Variants in AGBL4 observed in about 807,000 individuals in gnomAD.
The protein encoded by AGBL4 is cytosolic carboxypeptidase 6.
A neutral mutation model predicts 66.4 loss-of-function variants in AGBL4; 58 were observed. The ratio of observed to expected loss-of-function variants is 0.87; its 90% confidence interval spans 0.71 to 1.09. AGBL4 has a LOEUF of 1.09. Ranked by LOEUF, AGBL4 falls within the 50% of genes least tolerant of loss-of-function variation. The pLI is 0.00. For synonymous variants in AGBL4, 234 were observed against 222.9 expected (o/e 1.05, Z -0.44); for missense variants, 579 against 631.0 (o/e 0.92, Z 0.88).
chr1:48,818,050 TA>T (rs1336618816), intron 6 of AGBL4: 1 of 709,038 alleles, frequency 1.4e-6, no homozygotes, highest in African/African-American at 1.8e-5. Flanking sequence ...TCATATCTGA[TA>T]GTCAAATTTG....
intron 6 of AGBL4, among the ~76,000 whole-genome samples, chr1:48,807,236 G>A (rs555930747): frequency 5.3e-4 from 80 of 152,270 alleles, no homozygotes; most frequent in African/African-American, 1.9e-3. Flanking sequence ...GACTGTGATG[G>A]ATTCATCTCT....
intron 5 of AGBL4, among the ~76,000 whole-genome samples, chr1:48,896,797 A>G (rs1298962691): frequency 1.3e-5 from 2 of 152,138 alleles, no homozygotes; most frequent in Non-Finnish European, 2.9e-5. Context: ...ACTAGTACAA[A>G]TAAAAAGATT....
chr1:48,769,166 C>T (rs1644679592), intron 6 of AGBL4, among the ~76,000 whole-genome samples: 1 of 152,186 alleles, frequency 6.6e-6, no homozygotes, highest in South Asian at 2.1e-4. Context: ...AGGTCTCTTT[C>T]TCAGCTGTGT....
rs191752293 is a variant in AGBL4 at position 49,082,176 on chromosome 1, C to G, written c.378-36376G>C. Reference sequence around the variant, plus strand: ...CTTAGAAGTAATGCCTTATAAACTGCTGGGGTAGATGTGATGTAGGAGAGA... The same window carrying G: ...CTTAGAAGTAATGCCTTATAAACTGGTGGGGTAGATGTGATGTAGGAGAGA... On this transcript the variant is annotated intron_variant, in intron 4 of 13. Transcript: ENST00000371839. 1.8e-3 allele frequency among the ~76,000 whole-genome samples: 281 copies of G among 152,202 alleles called. 2 individuals carry two copies. Among genetic ancestry groups the G allele is most frequent in the African/African-American group, 6.4e-3 (266 of 41,548 alleles).
At chr1:49,583,021 A>C (rs1644575488) in intron 3 of AGBL4, among the ~76,000 whole-genome samples, 1 of 151,956 alleles carries the variant, frequency 6.6e-6, no homozygotes, top group Middle Eastern at 3.4e-3. Context: ...AGTTCCTAAA[A>C]CCCTTGTAAT....
rs996746931 is a variant in AGBL4 at position 49,574,854 on chromosome 1, G to A, written c.282+122459C>T. Among the ~76,000 whole-genome samples, 8 of 152,012 alleles carry A rather than the reference G, an allele frequency of 5.3e-5. No individual in the cohort carries two copies. The East Asian group carries it at 7.8e-4, about 15-fold the overall frequency. ...CCTAGAAATTGATAGGACGCCTACT[G>A]CATTCTGCTTGTCTTTATACAAGCA... On this transcript the variant is annotated intron_variant, in intron 3 of 13. Transcript: ENST00000371839.
chr1:48,969,720 C>T (rs17105333), intron 5 of AGBL4, among the ~76,000 whole-genome samples: 8,583 of 152,076 alleles, frequency 0.056, 256 homozygotes, highest in East Asian at 0.075. Context: ...TAGATTTCAT[C>T]ATTAGCCAGA....
intron 3 of AGBL4, among the ~76,000 whole-genome samples, chr1:49,686,342 A>G (rs1646787837): frequency 6.6e-6 from 1 of 152,176 alleles, no homozygotes; most frequent in Non-Finnish European, 1.5e-5. Flanking sequence ...CAGCACAGTA[A>G]GTGCTTAATC....
At chr1:48,749,675 G>A (rs1557942133) in intron 6 of AGBL4, among the ~76,000 whole-genome samples, 2 of 152,172 alleles carry the variant, frequency 1.3e-5, no homozygotes, top group African/African-American at 4.8e-5. Context: ...CAATCATGAG[G>A]GGTGCGGTGG....
intron 6 of AGBL4, among the ~76,000 whole-genome samples, chr1:48,696,066 C>T (rs1465800004): frequency 2.6e-5 from 4 of 152,182 alleles, no homozygotes; most frequent in African/African-American, 9.7e-5. Context: ...CTGACCCTGT[C>T]CTGGCCCCAC....
intron 6 of AGBL4, among the ~76,000 whole-genome samples, chr1:48,686,772 G>A (rs1013167038): frequency 2.0e-5 from 3 of 152,078 alleles, no homozygotes; most frequent in East Asian, 1.9e-4. Flanking sequence ...TCACGTCCTC[G>A]CTCTAAGCCT....
At chr1:49,870,273 A>G (rs1646805962) in intron 1 of AGBL4, among the ~76,000 whole-genome samples, 1 of 152,138 alleles carries the variant, frequency 6.6e-6, no homozygotes, top group African/African-American at 2.4e-5. Flanking sequence ...ATTAATGAGA[A>G]TATAAAGAAA....
chr1:49,050,120 C>T (rs1383938729), intron 4 of AGBL4, among the ~76,000 whole-genome samples: 1 of 152,034 alleles, frequency 6.6e-6, no homozygotes, highest in Non-Finnish European at 1.5e-5. Context: ...TGTGTGCTTT[C>T]AAGACCTGGG....
At chr1:50,014,196 C>T (rs1661762209) in intron 1 of AGBL4, among the ~76,000 whole-genome samples, 1 of 151,880 alleles carries the variant, frequency 6.6e-6, no homozygotes, top group Non-Finnish European at 1.5e-5. Context: ...CACGGTGAAA[C>T]CCTGTCACTA....
chr1:49,449,215 T>C (rs1008919737), intron 3 of AGBL4, among the ~76,000 whole-genome samples: 8 of 151,958 alleles, frequency 5.3e-5, no homozygotes, highest in African/African-American at 1.9e-4. Context: ...GTACCTGAGG[T>C]AGAATTTAAA....
At chr1:48,530,352 A>G (rs1390271328), downstream of AGBL4, among the ~76,000 whole-genome samples, 1 of 152,240 alleles carries the variant, frequency 6.6e-6, no homozygotes, top group East Asian at 1.9e-4. Context: ...TTCAGTAAAC[A>G]TCTGGATGTA....
intron 6 of AGBL4, among the ~76,000 whole-genome samples, chr1:48,831,694 T>C (rs1646556385): frequency 6.6e-6 from 1 of 152,230 alleles, no homozygotes; most frequent in South Asian, 2.1e-4. Flanking sequence ...ATTTGTGGAT[T>C]GAGCAAGATT....
intron 2 of AGBL4, 28 bp from the exon 3 acceptor site, chr1:49,697,465 T>G (rs943347722): frequency 6.1e-6 from 9 of 1,480,692 alleles, no homozygotes; most frequent in African/African-American, 1.4e-5. Context: ...GAGAATTGGA[T>G]TTTAATAGAA....
At chr1:49,423,364 T>A (rs1645586551) in intron 3 of AGBL4, among the ~76,000 whole-genome samples, 1 of 152,132 alleles carries the variant, frequency 6.6e-6, no homozygotes, top group South Asian at 2.1e-4. Flanking sequence ...AAATAAAAAA[T>A]AAACATCCTG....
Sources: gnomAD v4.1 joint callset for allele counts (sites outside exome capture counted in the v4.1 genomes callset) on GRCh38, gnomAD v4.1.1 for gene constraint, MANE v1.5 for transcripts, NCBI Gene and HGNC (gene_info 2026-07-23, HGNC 2026-07-21) for gene names.